TIMM10B: variants seen among roughly 807,000 people sequenced by gnomAD.
TIMM10B encodes the protein translocase of inner mitochondrial membrane 10B.
Under a neutral mutation model 12.6 loss-of-function variants are expected in TIMM10B, and 17 were observed. The ratio of observed to expected loss-of-function variants is 1.35; its 90% confidence interval spans 0.92 to 2.03. The LOEUF (loss-of-function observed/expected upper bound fraction) is 2.03. TIMM10B is among the 30% of genes most tolerant of loss of function. The pLI, the probability that TIMM10B is intolerant of heterozygous loss-of-function variation, is 0.00. For missense variants in TIMM10B, 165 were observed against 133.3 expected (o/e 1.24, Z -1.17); for synonymous variants, 63 against 51.3 (o/e 1.23, Z -0.97).
At chr11:6,481,657 C>T (rs1246623326) in intron 1 of TIMM10B, 100 bp from the exon 2 acceptor site, 26 of 1,584,332 alleles carry the variant, frequency 1.6e-5, no homozygotes, top group Non-Finnish European at 2.1e-5. Context: ...CTGGAAACTT[C>T]GGGCTATGGC....
rs559045499 is a variant in TIMM10B at position 6,482,180 on chromosome 11, G to A, written c.271G>A (p.Val91Ile). The A allele has an allele frequency of 3.1e-6, 5 of 1,610,548 alleles. No homozygotes were observed. The highest frequency in any genetic ancestry group is 1.3e-5 in the African/African-American group (1 of 75,058). The change falls in exon 3 of 3, where the codon GTT becomes ATT. Residue 91 changes from valine (V) to isoleucine (I), a missense_variant. Val to Ile is a conservative substitution (Grantham distance 29). Transcript: ENST00000254616. Reference sequence around the variant, plus strand: ...CGAGGCTGCCTCGGCTGTGCCAGGCGTTGCTGCTGAACAGCCTGGGGTCTC... The same window carrying A: ...CGAGGCTGCCTCGGCTGTGCCAGGCATTGCTGCTGAACAGCCTGGGGTCTC... ...DYEAASAVPG[V>I]AAEQPGVSPS...
chr11:6,484,213 C>G lies in TIMM10B; in HGVS notation c.*1992C>G, dbSNP rs960753520. On this transcript the variant is annotated 3_prime_UTR_variant, in exon 3 of 3. Coordinates refer to ENST00000254616, the MANE Select transcript of TIMM10B (RefSeq NM_012192.4). ...AAGCAGTTCTCCTGCCTCAGCCTCT[C>G]GAGTAGCTGGGATTACAGGCATGCG... The G allele has an allele frequency of 6.6e-6, 1 of 152,066 alleles. No homozygotes were observed. The highest frequency in any genetic ancestry group is 1.5e-5 in the Non-Finnish European group (1 of 68,074). 9.4% of individuals were successfully genotyped at this position (152,066 alleles called of 1,614,324 possible). A position where few individuals can be genotyped will look rare whatever the true frequency, so the allele number is the denominator to read the frequency against.
Position 6,484,042 on chromosome 11 carries a change from T to C in TIMM10B, c.*1821T>C, listed in dbSNP as rs2134344116. On this transcript the variant is annotated 3_prime_UTR_variant, in exon 3 of 3. Coordinates refer to ENST00000254616, the MANE Select transcript of TIMM10B (RefSeq NM_012192.4). ...GATGAGGAAGCAAGAATCCAGAATG[T>C]GCCAGAAGGCACATTCTGCAGATTT... 6.6e-6 allele frequency: 1 copy of C among 152,116 alleles called. No individual in the cohort carries two copies. The highest frequency in any genetic ancestry group is 2.4e-5 in the African/African-American group (1 of 41,512). 9.4% of individuals were successfully genotyped at this position (152,116 alleles called of 1,614,324 possible). A position where few individuals can be genotyped will look rare whatever the true frequency, so the allele number is the denominator to read the frequency against.
Position 6,482,877 on chromosome 11 carries a change from G to C in TIMM10B, c.*656G>C, listed in dbSNP as rs1175308161. 2.0e-5 allele frequency: 3 copies of C among 152,236 alleles called. No individual in the cohort carries two copies. In the East Asian group the frequency reaches 5.8e-4, roughly 29 times the overall value. 9.4% of individuals were successfully genotyped at this position (152,236 alleles called of 1,614,324 possible). ...TCTAGGGAAAGGAGGAGCTATCGAA[G>C]TACAACGGATCAAAAAACCACAGGG... On this transcript the variant is annotated 3_prime_UTR_variant, in exon 3 of 3. Coordinates refer to ENST00000254616, the MANE Select transcript of TIMM10B (RefSeq NM_012192.4).
chr11:6,482,014 A>G (rs1355322366), intron 2 of TIMM10B, 31 bp from the exon 3 acceptor site: 2 of 1,602,472 alleles, frequency 1.2e-6, no homozygotes, highest in Non-Finnish European at 1.7e-6. Context: ...GGGCACCTTT[A>G]TCCTCCACTT....
chr11:6,482,402 G>C lies in TIMM10B; in HGVS notation c.*181G>C. The C allele has an allele frequency of 1.7e-6, 1 of 594,358 alleles. No homozygotes were observed. Among genetic ancestry groups the C allele is most frequent in the Non-Finnish European group, 2.9e-6 (1 of 342,068 alleles). The allele number at this position is 594,358 out of a possible 1,614,324, so 36.8% of individuals were successfully genotyped here. ...TTACTCAGTTTGATTTATATTCTGG[G>C]CAAGGAAGCTTTGCCTACTTTATTG... On this transcript the variant is annotated 3_prime_UTR_variant, in exon 3 of 3. Coordinates refer to ENST00000254616, the MANE Select transcript of TIMM10B (RefSeq NM_012192.4).
chr11:6,482,875 A>C lies in TIMM10B; in HGVS notation c.*654A>C, dbSNP rs1418613665. 6.6e-6 allele frequency: 1 copy of C among 152,268 alleles called. No individual in the cohort carries two copies. Among genetic ancestry groups the C allele is most frequent in the Non-Finnish European group, 1.5e-5 (1 of 68,066 alleles). The allele number at this position is 152,268 out of a possible 1,614,324, so 9.4% of individuals were successfully genotyped here. On this transcript the variant is annotated 3_prime_UTR_variant, in exon 3 of 3. Transcript: ENST00000254616. ...GATCTAGGGAAAGGAGGAGCTATCG[A>C]AGTACAACGGATCAAAAAACCACAG...
In TIMM10B at chr11:6,482,887, T is replaced by C. The variant is rs1379170751; in HGVS notation, c.*666T>C. 6.6e-6 allele frequency: 1 copy of C among 152,230 alleles called. No individual in the cohort carries two copies. The highest frequency in any genetic ancestry group is 2.4e-5 in the African/African-American group (1 of 41,444). The allele number at this position is 152,230 out of a possible 1,614,324, so 9.4% of individuals were successfully genotyped here. A position where few individuals can be genotyped will look rare whatever the true frequency, so the allele number is the denominator to read the frequency against. ...GGAGGAGCTATCGAAGTACAACGGA[T>C]CAAAAAACCACAGGGCTTTTGGGCA... On this transcript the variant is annotated 3_prime_UTR_variant, in exon 3 of 3. Transcript: ENST00000254616.
chr11:6,482,164 C>T lies in TIMM10B; in HGVS notation c.255C>T (p.Ala85=). The T allele has an allele frequency of 5.0e-6, 8 of 1,611,646 alleles. No homozygotes were observed. Among genetic ancestry groups the T allele is most frequent in the Non-Finnish European group, 6.8e-6 (8 of 1,179,976 alleles). Residue 85 remains alanine, a synonymous_variant, in exon 3 of 3, where the codon GCC becomes GCT. Transcript: ENST00000254616. ...VQRRIADYEA[A]SAVPGVAAEQ... ...GCCGCATCGCAGACTACGAGGCTGC[C>T]TCGGCTGTGCCAGGCGTTGCTGCTG...
rs556201921 is a variant in TIMM10B, at chr11:6,484,119, C to T, written c.*1898C>T. On this transcript the variant is annotated 3_prime_UTR_variant, in exon 3 of 3. Transcript: ENST00000254616. The stretch of plus-strand genomic sequence containing the variant: ...TTTTTTTTTTTTTGAGACAGAGTCT[C>T]GCTCTGTCACCCAGGCTGGAGTGCA... The T allele has an allele frequency of 2.6e-5, 4 of 151,200 alleles. No homozygotes were observed. The East Asian group carries it at 5.8e-4, about 22-fold the overall frequency. The allele number at this position is 151,200 out of a possible 1,614,324, so 9.4% of individuals were successfully genotyped here.
At position 6,483,095 on chromosome 11, in the gene TIMM10B, G is replaced by C. The variant is rs1036343614; in HGVS notation, c.*874G>C. The C allele has an allele frequency of 6.6e-6, 1 of 152,258 alleles. No homozygotes were observed. The highest frequency in any genetic ancestry group is 2.1e-4 in the South Asian group (1 of 4,830). 9.4% of individuals were successfully genotyped at this position (152,258 alleles called of 1,614,324 possible). ...GGTTGTCTTCACGGGCAATCAGGAA[G>C]GGAGAGAGCTGGGGACCATATTCTG... On this transcript the variant is annotated 3_prime_UTR_variant, in exon 3 of 3. Coordinates refer to ENST00000254616, the MANE Select transcript of TIMM10B (RefSeq NM_012192.4).
Position 6,483,847 on chromosome 11 carries a change from T to A in TIMM10B, c.*1626T>A, listed in dbSNP as rs1277829152. On this transcript the variant is annotated 3_prime_UTR_variant, in exon 3 of 3. Coordinates refer to ENST00000254616, the MANE Select transcript of TIMM10B (RefSeq NM_012192.4). ...AATTCTCAAGTAGCAGACCCGGTAT[T>A]AAAGTGCAGATCTGACTTTAAAGTC... 2.0e-5 allele frequency: 3 copies of A among 152,258 alleles called. No individual in the cohort carries two copies. The highest frequency in any genetic ancestry group is 4.4e-5 in the Non-Finnish European group (3 of 68,052). The allele number at this position is 152,258 out of a possible 1,614,324, so 9.4% of individuals were successfully genotyped here.
At chr11:6,481,883 A>G (rs1271880670) in intron 2 of TIMM10B, 31 bp downstream of exon 2, 2 of 1,612,438 alleles carry the variant, frequency 1.2e-6, no homozygotes. Flanking sequence ...GTTACGCTGC[A>G]AGAAGAGTTT....
chr11:6,481,812 G>T lies in TIMM10B; in HGVS notation c.95G>T (p.Cys32Phe), dbSNP rs537569710. ...ATGACAGAACTCTGCTTCCAGCGCTGTGTGCCCAGCTTGCACCACCGAGCT... is the reference window on the plus strand; with the variant it reads ...ATGACAGAACTCTGCTTCCAGCGCTTTGTGCCCAGCTTGCACCACCGAGCT... ...NRMTELCFQR[C>F]VPSLHHRALD... Residue 32 changes from cysteine to phenylalanine, a missense_variant, in exon 2 of 3, where the codon TGT (cysteine) becomes TTT (phenylalanine). Cys to Phe is a radical substitution (Grantham distance 205, BLOSUM62 -2). Transcript: ENST00000254616. The T allele has an allele frequency of 8.1e-6, 13 of 1,613,904 alleles. 1 individual carries two copies. In the South Asian group the frequency reaches 1.4e-4, roughly 18 times the overall value.
Position 6,484,320 on chromosome 11 carries a change from C to G in TIMM10B, c.*2099C>G, listed in dbSNP as rs1674428574. On this transcript the variant is annotated 3_prime_UTR_variant, in exon 3 of 3. Coordinates refer to ENST00000254616, the MANE Select transcript of TIMM10B (RefSeq NM_012192.4). ...TATTGGTCAGGCTGGTCTTGAACTC[C>G]TGACCTTGTGATCCGCCCGCCTCGG... is the stretch of plus-strand genomic sequence containing the variant. The G allele has an allele frequency of 6.6e-6, 1 of 152,156 alleles. No individual in the cohort carries two copies. The highest frequency in any genetic ancestry group is 2.1e-4 in the South Asian group (1 of 4,830). The allele number at this position is 152,156 out of a possible 1,614,324, so 9.4% of individuals were successfully genotyped here. A position where few individuals can be genotyped will look rare whatever the true frequency, so the allele number is the denominator to read the frequency against.
Position 6,481,516 on chromosome 11 carries a change from G to T in TIMM10B, c.-1G>T, listed in dbSNP as rs1851770824. 1.2e-6 allele frequency: 2 copies of T among 1,612,820 alleles called. No homozygotes were observed. Among genetic ancestry groups the T allele is most frequent in the Non-Finnish European group, 1.7e-6 (2 of 1,179,874 alleles). On this transcript the variant is annotated 5_prime_UTR_variant, in exon 1 of 3. Coordinates refer to ENST00000254616, the MANE Select transcript of TIMM10B (RefSeq NM_012192.4). ...GGCGTACGGCATGCGCCGGTGGCGTGATGGAGCGGCAGCAGCAGCAGCAAC... is the reference window on the plus strand; with the variant it reads ...GGCGTACGGCATGCGCCGGTGGCGTTATGGAGCGGCAGCAGCAGCAGCAAC...
In TIMM10B at chr11:6,484,561, T is replaced by A. The variant is rs1406812452; in HGVS notation, c.*2340T>A. ...AAATATAAATGCAAGTAAAACAGGT[T>A]TGAACTTCTTAACTTCCAGAAGATA... On this transcript the variant is annotated 3_prime_UTR_variant, in exon 3 of 3. Coordinates refer to ENST00000254616, the MANE Select transcript of TIMM10B (RefSeq NM_012192.4). 6.6e-6 allele frequency: 1 copy of A among 152,330 alleles called. No homozygotes were observed. The allele number at this position is 152,330 out of a possible 1,614,324, so 9.4% of individuals were successfully genotyped here. A position where few individuals can be genotyped will look rare whatever the true frequency, so the allele number is the denominator to read the frequency against.
chr11:6,482,390 T>C lies in TIMM10B; in HGVS notation c.*169T>C. The C allele has an allele frequency of 1.6e-6, 1 of 620,044 alleles. No individual in the cohort carries two copies. Among genetic ancestry groups the C allele is most frequent in the South Asian group, 2.2e-5 (1 of 45,716 alleles). The allele number at this position is 620,044 out of a possible 1,614,324, so 38.4% of individuals were successfully genotyped here. On this transcript the variant is annotated 3_prime_UTR_variant, in exon 3 of 3. Coordinates refer to ENST00000254616, the MANE Select transcript of TIMM10B (RefSeq NM_012192.4). ...TATACCCAGTTTTTACTCAGTTTGA[T>C]TTATATTCTGGGCAAGGAAGCTTTG...
chr11:6,482,554 TG>T lies in TIMM10B; in HGVS notation c.*334del. ...AGGCATCTGGTTAAAGCAGGGTCTG[TG>T]TGTACAATTTTAAAACGGGTAATAT... On this transcript the variant is annotated 3_prime_UTR_variant, in exon 3 of 3. Transcript: ENST00000254616. The T allele has an allele frequency of 3.7e-6, 1 of 270,504 alleles. No homozygotes were observed. The highest frequency in any genetic ancestry group is 2.1e-5 in the African/African-American group (1 of 47,006). The allele number at this position is 270,504 out of a possible 1,614,324, so 16.8% of individuals were successfully genotyped here.
Sources: gnomAD v4.1 joint callset for allele counts on GRCh38, gnomAD v4.1.1 for gene constraint, MANE v1.5 for transcripts, NCBI Gene and HGNC (gene_info 2026-07-23, HGNC 2026-07-21) for gene names.